The following VPS13B variants were observed in gnomAD, a reference collection of about 807,000 sequenced individuals.
The protein encoded by VPS13B is intermembrane lipid transfer protein VPS13B.
A neutral mutation model predicts 426.4 loss-of-function variants in VPS13B; 285 were observed. That is an observed-to-expected ratio of 0.67 (90% CI 0.61 to 0.74). VPS13B has a LOEUF of 0.74. Among genes scored for constraint, VPS13B ranks in the 30% least tolerant of loss-of-function variants. VPS13B has a pLI of 0.00. For missense variants in VPS13B, 4,537 were observed against 4,782.6 expected (o/e 0.95, Z 1.51); for synonymous variants, 1,676 against 1,676.4 (o/e 1.00, Z 0.01).
chr8:99,337,063 C>G (rs1335830386), intron 19 of VPS13B, among the ~76,000 whole-genome samples: 1 of 152,044 alleles, frequency 6.6e-6, no homozygotes, highest in Admixed American at 6.6e-5. Flanking sequence ...CACATGCACA[C>G]GTATGTTTAT....
At chr8:99,031,853 G>A (rs1265846841) in intron 2 of VPS13B, among the ~76,000 whole-genome samples, 2 of 152,218 alleles carry the variant, frequency 1.3e-5, no homozygotes, top group East Asian at 3.8e-4. Context: ...CAGGGCTATT[G>A]AGCCCCAAGG....
intron 3 of VPS13B, chr8:99,093,815 C>A (rs1315924522): frequency 6.6e-6 from 1 of 152,024 alleles, no homozygotes; most frequent in Non-Finnish European, 1.5e-5. Flanking sequence ...ACTACAAACA[C>A]CTCTACACAA....
At chr8:99,186,745 T>C (rs1813239907) in intron 16 of VPS13B, among the ~76,000 whole-genome samples, 1 of 152,194 alleles carries the variant, frequency 6.6e-6, no homozygotes. Context: ...GTGTGTATAA[T>C]TGGCGTGTTT....
chr8:99,804,084 A>T (rs1321724196), intron 43 of VPS13B: 1 of 152,088 alleles, frequency 6.6e-6, no homozygotes, highest in Non-Finnish European at 1.5e-5. Flanking sequence ...TTGATTTAAT[A>T]CTCATTTTGG....
chr8:99,018,636 T>C (rs1471246283), intron 2 of VPS13B, among the ~76,000 whole-genome samples: 1 of 152,222 alleles, frequency 6.6e-6, no homozygotes. Flanking sequence ...TTTTATATAA[T>C]GTGGAGTAGA....
In VPS13B at chr8:99,642,034, T is replaced by A; in HGVS notation, c.5444T>A (p.Phe1815Tyr). 6.2e-7 allele frequency: 1 copy of A among 1,614,078 alleles called. No individual in the cohort carries two copies. Among genetic ancestry groups the A allele is most frequent in the Non-Finnish European group, 8.5e-7 (1 of 1,179,990 alleles). ...KNLNFIPFDIFITASRISLMT... is the reference protein window; with the variant it reads ...KNLNFIPFDIYITASRISLMT... ...CTAAATTTTATTCCCTTTGACATAT[T>A]TATTACTGCAAGTAGAATCTCACTA... Residue 1815 changes from phenylalanine to tyrosine, a missense_variant, in exon 34 of 62, where the codon TTT becomes TAT. By Grantham distance (22) the Phe-to-Tyr change is conservative. Around this residue, in one of 2 missense-constraint regions of VPS13B, gnomAD observed 4,311 missense variants for 4,474.3 expected, o/e 0.96. Transcript: ENST00000357162.
At chr8:99,234,163 C>G in intron 17 of VPS13B, 1 of 781,032 alleles carries the variant, frequency 1.3e-6, no homozygotes, top group East Asian at 2.4e-5. Flanking sequence ...GAGCTCACCT[C>G]TTCATCCAGG....
At chr8:99,295,963 G>A (rs577415850) in intron 19 of VPS13B, among the ~76,000 whole-genome samples, 46 of 152,190 alleles carry the variant, frequency 3.0e-4, no homozygotes, top group Non-Finnish European at 5.6e-4. Flanking sequence ...AACTCAGGAG[G>A]TCAAGGCTGC....
At chr8:99,646,084 A>C (rs942349807) in intron 34 of VPS13B, among the ~76,000 whole-genome samples, 1 of 152,184 alleles carries the variant, frequency 6.6e-6, no homozygotes, top group Non-Finnish European at 1.5e-5. Context: ...TTTAAATTGG[A>C]GGGACTAAAA....
chr8:99,397,631 C>G (rs970860379), intron 21 of VPS13B, among the ~76,000 whole-genome samples: 2 of 152,104 alleles, frequency 1.3e-5, no homozygotes, highest in African/African-American at 4.8e-5. Context: ...AAGCACGCAC[C>G]CTAAAGCTAT....
intron 33 of VPS13B, among the ~76,000 whole-genome samples, chr8:99,619,804 G>T (rs1271460180): frequency 6.6e-6 from 1 of 151,936 alleles, no homozygotes; most frequent in Non-Finnish European, 1.5e-5. Context: ...TTGGGAAGTG[G>T]AGGTTGTATG....
At chr8:99,104,580 C>T (rs959176460) in intron 5 of VPS13B, among the ~76,000 whole-genome samples, 8 of 130,868 alleles carry the variant, frequency 6.1e-5, no homozygotes, top group African/African-American at 2.0e-4. Flanking sequence ...CTCTCCCTTT[C>T]ATCCTCCCTT....
intron 17 of VPS13B, among the ~76,000 whole-genome samples, chr8:99,256,985 G>A (rs997108061): frequency 6.6e-6 from 1 of 152,216 alleles, no homozygotes; most frequent in African/African-American, 2.4e-5. Context: ...TCTGACTCCA[G>A]GCTGAGTCTG....
chr8:99,819,310 G>A, intron 47 of VPS13B, 102 bp from the exon 48 acceptor site: 1 of 1,359,198 alleles, frequency 7.4e-7, no homozygotes, highest in Non-Finnish European at 1.0e-6. Flanking sequence ...CTACCAAAAA[G>A]GTGTTGGTCT....
intron 39 of VPS13B, among the ~76,000 whole-genome samples, chr8:99,723,199 C>G (rs1287537707): frequency 6.6e-6 from 1 of 152,082 alleles, no homozygotes; most frequent in Non-Finnish European, 1.5e-5. Context: ...TTTATTCCAA[C>G]AACAAAATGA....
At chr8:99,652,329 C>T (rs1161520421) in intron 34 of VPS13B, among the ~76,000 whole-genome samples, 1 of 152,036 alleles carries the variant, frequency 6.6e-6, no homozygotes, top group Non-Finnish European at 1.5e-5. Flanking sequence ...GTAGCAGCCT[C>T]CTAGTGTTGC....
intron 20 of VPS13B, among the ~76,000 whole-genome samples, chr8:99,385,673 T>G (rs1272863372): frequency 6.6e-6 from 1 of 152,216 alleles, no homozygotes; most frequent in Non-Finnish European, 1.5e-5. Flanking sequence ...AATGCCATTT[T>G]TAGTAATTAA....
chr8:99,442,089 C>G (rs1184022005), intron 22 of VPS13B, among the ~76,000 whole-genome samples: 1 of 152,058 alleles, frequency 6.6e-6, no homozygotes, highest in Non-Finnish European at 1.5e-5. Context: ...ACAAAATTTT[C>G]TAATAAACTG....
At chr8:99,577,384 C>G in intron 32 of VPS13B, 106 bp from the exon 33 acceptor site, 1 of 1,506,088 alleles carries the variant, frequency 6.6e-7, no homozygotes, top group African/African-American at 1.4e-5. Context: ...AACTTGAGTC[C>G]TAGGAAATGT....
Sources: gnomAD v4.1 joint callset for allele counts (sites outside exome capture counted in the v4.1 genomes callset) on GRCh38, gnomAD v4.1.1 for gene constraint, gnomAD v4.1.1 regional missense constraint, MANE v1.5 for transcripts, NCBI Gene and HGNC (gene_info 2026-07-23, HGNC 2026-07-21) for gene names.